ADCY5: variants seen among roughly 807,000 people sequenced by gnomAD.
ADCY5 encodes adenylate cyclase type 5.
In ADCY5, 30 loss-of-function variants were observed where a neutral mutation model predicts 119.7. The ratio of observed to expected loss-of-function variants is 0.25; its 90% CI spans 0.19 to 0.34. ADCY5 has a LOEUF of 0.34. Among genes scored for constraint, ADCY5 ranks in the 10% least tolerant of loss-of-function variants. The pLI is 1.00. For synonymous variants in ADCY5, 753 were observed against 762.2 expected (o/e 0.99, Z 0.20); for missense variants, 1,324 against 1,775.2 (o/e 0.75, Z 4.57).
intron 5 of ADCY5, among the ~76,000 whole-genome samples, chr3:123,329,213 G>A (rs1404625901): frequency 1.3e-5 from 2 of 152,240 alleles, no homozygotes; most frequent in Non-Finnish European, 2.9e-5. Context: ...GGGTAAGACA[G>A]AAATGGCTTT....
intron 2 of ADCY5, among the ~76,000 whole-genome samples, chr3:123,350,929 C>T (rs896128344): frequency 2.0e-5 from 3 of 152,122 alleles, no homozygotes; most frequent in Non-Finnish European, 4.4e-5. Context: ...TGATGAGGGG[C>T]TTTTCAGGAA....
At chr3:123,303,888 G>A (rs1275156124) in intron 13 of ADCY5, among the ~76,000 whole-genome samples, 179 bp downstream of exon 13, 2 of 78,644 alleles carry the variant, frequency 2.5e-5, no homozygotes, top group African/African-American at 1.3e-4. Context: ...GAAGAGAAGA[G>A]AAGAGAAGAA....
At chr3:123,353,687 T>C (rs1233230693) in intron 1 of ADCY5, among the ~76,000 whole-genome samples, 6 of 152,276 alleles carry the variant, frequency 3.9e-5, no homozygotes, top group Non-Finnish European at 5.9e-5. Context: ...ACTTGGCCAT[T>C]TGGATCCCAA....
intron 1 of ADCY5, among the ~76,000 whole-genome samples, chr3:123,406,923 C>A (rs1944918724): frequency 6.6e-6 from 1 of 152,188 alleles, no homozygotes; most frequent in Non-Finnish European, 1.5e-5. Flanking sequence ...CGCCACTGCT[C>A]CTGCTCCTAT....
chr3:123,345,769 G>GACAGACACACACACACACACACAC (rs57198270), intron 3 of ADCY5, among the ~76,000 whole-genome samples: 53 of 113,832 alleles, frequency 4.7e-4, no homozygotes, highest in South Asian at 2.7e-3. Context: ...CAGACAGACA[G>GACAGACACACACACACACACACAC]ACACACACAC....
chr3:123,426,824 T>A (rs1945425396), intron 1 of ADCY5, among the ~76,000 whole-genome samples: 1 of 152,048 alleles, frequency 6.6e-6, no homozygotes, highest in Non-Finnish European at 1.5e-5. Context: ...AATGAGGTCC[T>A]CAGAGGCACT....
Position 123,325,395 on chromosome 3 carries a change from G to T in ADCY5, c.2015C>A (p.Pro672Gln). 3 of 1,614,184 alleles carry T rather than the reference G, an allele frequency of 1.9e-6. No individual in the cohort carries two copies. Among genetic ancestry groups the T allele is most frequent in the Non-Finnish European group, 2.5e-6 (3 of 1,180,026 alleles). The stretch of plus-strand genomic sequence containing the variant: ...GAAGGGGCGCTCAGCCCCCCAGTGT[G>T]GTGGGTTGTGCCCGATGGAGTTGGT... ...QRTNSIGHNP[P>Q]HWGAERPFYN... is the part of the protein sequence containing the mutation. The change falls in exon 8 of 21, where the codon CCA becomes CAA. Residue 672 changes from proline (P) to glutamine (Q), a missense_variant. Pro to Gln is a moderately conservative substitution (Grantham distance 76, BLOSUM62 -1). Coordinates refer to ENST00000462833, the MANE Select transcript of ADCY5 (RefSeq NM_183357.3).
chr3:123,312,980 C>G (rs1013286744), intron 12 of ADCY5, among the ~76,000 whole-genome samples: 6 of 152,130 alleles, frequency 3.9e-5, no homozygotes, highest in African/African-American at 7.2e-5. Context: ...GAGGCTGTGG[C>G]CTTGAGGAAG....
At chr3:123,344,638 C>A (rs1184736534) in intron 3 of ADCY5, among the ~76,000 whole-genome samples, 4 of 152,162 alleles carry the variant, frequency 2.6e-5, no homozygotes, top group African/African-American at 9.7e-5. Context: ...AGCGCCTAGG[C>A]CTAACCACTG....
chr3:123,342,593 G>A (rs964323562), intron 3 of ADCY5, among the ~76,000 whole-genome samples: 2 of 152,162 alleles, frequency 1.3e-5, no homozygotes, highest in Middle Eastern at 3.2e-3. Context: ...TGAACCCTGG[G>A]GCCCTGCGGG....
chr3:123,390,660 G>T (rs530337537), intron 1 of ADCY5, among the ~76,000 whole-genome samples: 34 of 152,210 alleles, frequency 2.2e-4, no homozygotes, highest in African/African-American at 8.2e-4. Context: ...GCCTCCCCTG[G>T]GGCGTGGCAG....
rs1410083990 is a variant in ADCY5, at chr3:123,435,854, A to T, written c.1134+11558T>A. Among the ~76,000 whole-genome samples, 444 of 58,532 alleles carry T rather than the reference A, an allele frequency of 7.6e-3. 6 individuals are homozygous for T. Among genetic ancestry groups the T allele is most frequent in the African/African-American group, 0.052 (401 of 7,712 alleles). The allele number at this position is 58,532 out of a possible 152,430, so 38.4% of individuals were successfully genotyped here. ...TGGGCAACCTGGCAAGAGCCCTTTT[A>T]TTATTATTATTATTATTATTATTAT... On this transcript the variant is annotated intron_variant, in intron 1 of 20. Transcript: ENST00000462833.
intron 1 of ADCY5, chr3:123,419,317 C>T (rs1945253749): frequency 6.1e-6 from 3 of 495,482 alleles, no homozygotes; most frequent in Non-Finnish European, 7.8e-6. Flanking sequence ...CAGCACTATT[C>T]CATCACTCTG....
At chr3:123,289,373 T>A (rs1162897159) in intron 19 of ADCY5, among the ~76,000 whole-genome samples, 1 of 152,206 alleles carries the variant, frequency 6.6e-6, no homozygotes, top group Non-Finnish European at 1.5e-5. Flanking sequence ...TCTGCTGTGC[T>A]ACAACCACCA....
chr3:123,345,765 G>GACACACACACACACACACACACAC (rs1491192654), intron 3 of ADCY5, among the ~76,000 whole-genome samples: 5 of 135,340 alleles, frequency 3.7e-5, no homozygotes, highest in African/African-American at 1.5e-4. Flanking sequence ...CAGACAGACA[G>GACACACACACACACACACACACAC]ACAGACACAC....
At chr3:123,345,564 T>C (rs995095132) in intron 3 of ADCY5, among the ~76,000 whole-genome samples, 1 of 152,102 alleles carries the variant, frequency 6.6e-6, no homozygotes, top group Admixed American at 6.5e-5. Flanking sequence ...GGCTCGTATA[T>C]GTTGGGACCA....
At chr3:123,322,586 A>AT (rs1205377271) in intron 8 of ADCY5, among the ~76,000 whole-genome samples, 1 of 151,914 alleles carries the variant, frequency 6.6e-6, no homozygotes, top group African/African-American at 2.4e-5. Flanking sequence ...CCACCTACTT[A>AT]CTCTAACAGT....
intron 7 of ADCY5, among the ~76,000 whole-genome samples, chr3:123,327,013 A>G (rs62263781): frequency 0.011 from 1,690 of 152,354 alleles, 13 homozygotes; most frequent in South Asian, 0.02. Flanking sequence ...AAGGCATTTT[A>G]GTTTAGGGAG....
At chr3:123,427,491 TGTGAGG>T (rs1309226420) in intron 1 of ADCY5, among the ~76,000 whole-genome samples, 3 of 152,170 alleles carry the variant, frequency 2.0e-5, no homozygotes, top group African/African-American at 7.2e-5. Flanking sequence ...CTGTTACCTG[TGTGAGG>T]GTTGCCCTTT....
Sources: allele counts gnomAD v4.1 joint callset (sites outside exome capture counted in the v4.1 genomes callset), GRCh38; gene constraint gnomAD v4.1.1; transcripts MANE v1.5; gene names NCBI Gene and HGNC (gene_info 2026-07-23, HGNC 2026-07-21).